DDX19A: variants seen among roughly 807,000 people sequenced by gnomAD.
DDX19A encodes the protein DEAD-box helicase 19A.
A neutral mutation model predicts 60.6 loss-of-function variants in DDX19A; 12 were observed. The observed-to-expected ratio is 0.20, with a 90% CI of 0.13 to 0.32. The LOEUF is 0.32. Among genes scored for constraint, DDX19A ranks in the 10% least tolerant of loss-of-function variants. DDX19A has a pLI of 1.00. For missense variants in DDX19A, 337 were observed against 600.6 expected (o/e 0.56, Z 4.59); for synonymous variants, 206 against 218.2 (o/e 0.94, Z 0.49).
Position 70,355,542 on chromosome 16 carries a change from A to G in DDX19A, c.157+7A>G. On this transcript the variant is annotated splice_region_variant and intron_variant, in intron 3 of 11. Coordinates refer to ENST00000302243, the MANE Select transcript of DDX19A (RefSeq NM_018332.5). The stretch of plus-strand genomic sequence containing the variant: ...ACAGATGAAGAGGAGAAAGGTAACT[A>G]CTTTTGGATGCCCTTGGCAAGAGAC... The G allele has an allele frequency of 6.2e-7, 1 of 1,613,434 alleles. No individual in the cohort carries two copies. The highest frequency in any genetic ancestry group is 8.5e-7 in the Non-Finnish European group (1 of 1,179,382).
chr16:70,362,017 A>G (rs574883316), intron 5 of DDX19A, among the ~76,000 whole-genome samples: 1 of 152,006 alleles, frequency 6.6e-6, no homozygotes. Context: ...TAAAATCAAA[A>G]AAAAAAAAAT....
chr16:70,368,082 T>G (rs1303528786), intron 9 of DDX19A, among the ~76,000 whole-genome samples: 3 of 152,080 alleles, frequency 2.0e-5, no homozygotes, highest in Admixed American at 6.6e-5. Context: ...AAGACTGAGG[T>G]GGGAGGATCC....
At chr16:70,361,968 C>A (rs577665124) in intron 5 of DDX19A, among the ~76,000 whole-genome samples, 5 of 151,408 alleles carry the variant, frequency 3.3e-5, no homozygotes, top group Non-Finnish European at 7.4e-5. Flanking sequence ...CTCAGTAATT[C>A]GAGACCAGCC....
At chr16:70,368,702 G>A (rs1269018292) in intron 9 of DDX19A, among the ~76,000 whole-genome samples, 8 of 151,636 alleles carry the variant, frequency 5.3e-5, no homozygotes, top group African/African-American at 1.9e-4. Context: ...ACATGGCACT[G>A]TGCCCAGCTC....
intron 10 of DDX19A, 47 bp downstream of exon 10, chr16:70,370,432 A>C: frequency 6.3e-7 from 1 of 1,585,006 alleles, no homozygotes; most frequent in South Asian, 1.1e-5. Context: ...TCGGGGTCCC[A>C]GGCCCAATTA....
At position 70,361,459 on chromosome 16, in the gene DDX19A, A is replaced by G; in HGVS notation, c.335A>G (p.Asn112Ser). 1.9e-6 allele frequency: 3 copies of G among 1,614,012 alleles called. No homozygotes were observed. The highest frequency in any genetic ancestry group is 1.7e-6 in the Non-Finnish European group (2 of 1,179,946). Residue 112 changes from asparagine to serine, a missense_variant, in exon 5 of 12, where the codon AAT becomes AGT. By Grantham distance (46) the Asn-to-Ser change is conservative. Around this residue, in one of 6 missense-constraint regions of DDX19A, gnomAD observed 127 missense variants for 160.3 expected, o/e 0.79. Transcript: ENST00000302243. ...CAGGGAGTCTATGCCATGGGCTTCAATCGACCCTCCAAGATACAAGAGAAC... is the reference window on the plus strand; with the variant it reads ...CAGGGAGTCTATGCCATGGGCTTCAGTCGACCCTCCAAGATACAAGAGAAC... The part of the protein sequence containing the change: ...LLQGVYAMGF[N>S]RPSKIQENAL...
rs188463504 is a variant in DDX19A, at chr16:70,366,519, C to T, written c.783-105C>T. Reference sequence around the variant, plus strand: ...GCTCCTCCTCCCCAAGATGCTCCTCCCCCATCAGCCTTCCTGGGCATCTAG... The same window carrying T: ...GCTCCTCCTCCCCAAGATGCTCCTCTCCCATCAGCCTTCCTGGGCATCTAG... On this transcript the variant is annotated intron_variant, in intron 8 of 11. Coordinates refer to ENST00000302243, the MANE Select transcript of DDX19A (RefSeq NM_018332.5). 1,290 of 1,477,212 alleles carry T rather than the reference C, an allele frequency of 8.7e-4. 2 individuals carry two copies. Among genetic ancestry groups the T allele is most frequent in the Middle Eastern group, 5.7e-3 (31 of 5,462 alleles). The allele number at this position is 1,477,212 out of a possible 1,614,324, so 91.5% of individuals were successfully genotyped here.
In DDX19A at chr16:70,365,139, C is replaced by T. The variant is rs145620463; in HGVS notation, c.604+8C>T. 5.7e-6 allele frequency: 9 copies of T among 1,588,246 alleles called. No homozygotes were observed. The highest frequency in any genetic ancestry group is 2.2e-5 in the South Asian group (2 of 90,522). On this transcript the variant is annotated splice_region_variant and intron_variant, in intron 7 of 11. Transcript: ENST00000302243. ...CCGTTCGAGGCAATAAATGTGAGTA[C>T]GGCAGGCGACAACTGAACAGTGAGC... is the stretch of plus-strand genomic sequence containing the variant.
intron 1 of DDX19A, chr16:70,347,326 G>T: frequency 2.0e-6 from 1 of 494,826 alleles, no homozygotes; most frequent in South Asian, 2.7e-5. Context: ...ACGATTATAA[G>T]GAAAGCCAAG....
intron 2 of DDX19A, among the ~76,000 whole-genome samples, chr16:70,350,904 G>A (rs1187473609): frequency 6.6e-6 from 1 of 151,042 alleles, no homozygotes; most frequent in African/African-American, 2.4e-5. Context: ...TTGAGACGGA[G>A]TCTCGCTCTG....
rs1417474694 is a variant in DDX19A, at chr16:70,373,364, A to G, written c.*1378A>G. 1 of 152,236 alleles carries G rather than the reference A, an allele frequency of 6.6e-6. No individual in the cohort carries two copies. The highest frequency in any genetic ancestry group is 2.4e-5 in the African/African-American group (1 of 41,458). 9.4% of individuals were successfully genotyped at this position (152,236 alleles called of 1,614,324 possible). On this transcript the variant is annotated 3_prime_UTR_variant, in exon 12 of 12. Transcript: ENST00000302243. ...GTATTTTTCTGCTTATTAGACAAATATATACTCATTTTAAAAAGGCGTGTG... is the reference window on the plus strand; with the variant it reads ...GTATTTTTCTGCTTATTAGACAAATGTATACTCATTTTAAAAAGGCGTGTG...
At chr16:70,349,968 G>T (rs778337986) in intron 1 of DDX19A, among the ~76,000 whole-genome samples, 2 of 152,154 alleles carry the variant, frequency 1.3e-5, no homozygotes, top group African/African-American at 2.4e-5. Flanking sequence ...AGGTTATCAT[G>T]TGGTTCTGCT....
intron 9 of DDX19A, among the ~76,000 whole-genome samples, chr16:70,367,914 G>A (rs564796770): frequency 6.6e-6 from 1 of 151,300 alleles, no homozygotes; most frequent in Non-Finnish European, 1.5e-5. Context: ...AGTGGCTCAC[G>A]CCTGTAATCC....
chr16:70,369,865 C>T (rs1297200449), intron 9 of DDX19A, among the ~76,000 whole-genome samples: 1 of 152,238 alleles, frequency 6.6e-6, no homozygotes, highest in Non-Finnish European at 1.5e-5. Flanking sequence ...CGTGCCTCGT[C>T]CTCCCAAAGT....
intron 8 of DDX19A, 177 bp downstream of exon 8, chr16:70,366,439 G>A: frequency 8.0e-7 from 1 of 1,242,568 alleles, no homozygotes; most frequent in Non-Finnish European, 1.1e-6. Context: ...AACCTGGGTT[G>A]AGAAAGGAGA....
chr16:70,347,228 A>G lies in DDX19A; in HGVS notation c.57+180A>G, dbSNP rs1321394698. The G allele has an allele frequency of 1.4e-5, 9 of 627,016 alleles. No individual in the cohort carries two copies. The East Asian group carries it at 2.0e-4, about 14-fold the overall frequency. 38.8% of individuals were successfully genotyped at this position (627,016 alleles called of 1,614,324 possible). A position where few individuals can be genotyped will look rare whatever the true frequency, so the allele number is the denominator to read the frequency against. ...TAAAGAGACCAATGTCGAGCTTTTT[A>G]TCTCCATCTGGGCTGGTTAAGGACT... is the stretch of plus-strand genomic sequence containing the variant. On this transcript the variant is annotated intron_variant, in intron 1 of 11. Transcript: ENST00000302243.
intron 9 of DDX19A, among the ~76,000 whole-genome samples, chr16:70,369,879 A>G (rs1964632194): frequency 6.6e-6 from 1 of 152,012 alleles, no homozygotes; most frequent in Non-Finnish European, 1.5e-5. Context: ...CCAAAGTGCT[A>G]GGAGTACAGG....
Position 70,366,826 on chromosome 16 carries a change from G to T in DDX19A, c.985G>T (p.Ala329Ser), listed in dbSNP as rs750823073. ...KFQALCNLYG[A>S]ITIAQAMIFC... is the part of the protein sequence containing the mutation. ...CCAGGCCTTGTGTAACCTCTACGGG[G>T]CCATCACCATTGCTCAAGCCATGAT... Residue 329 changes from alanine to serine, a missense_variant, in exon 9 of 12, where the codon GCC becomes TCC. By Grantham distance (99) the Ala-to-Ser change is moderately conservative (BLOSUM62 1). Transcript: ENST00000302243. The T allele has an allele frequency of 1.9e-6, 3 of 1,614,014 alleles. No individual in the cohort carries two copies. Among genetic ancestry groups the T allele is most frequent in the Non-Finnish European group, 1.7e-6 (2 of 1,179,916 alleles).
chr16:70,349,266 A>G (rs1189798007), intron 1 of DDX19A, among the ~76,000 whole-genome samples: 1 of 152,186 alleles, frequency 6.6e-6, no homozygotes, highest in Non-Finnish European at 1.5e-5. Context: ...GCACATATGA[A>G]GTGGTGTCAG....
Sources: gnomAD v4.1 joint callset for allele counts (sites outside exome capture counted in the v4.1 genomes callset) on GRCh38, gnomAD v4.1.1 for gene constraint, gnomAD v4.1.1 regional missense constraint, MANE v1.5 for transcripts, NCBI Gene and HGNC (gene_info 2026-07-23, HGNC 2026-07-21) for gene names.